ETFBKMT: variants seen among roughly 807,000 people sequenced by gnomAD.
ETFBKMT encodes electron transfer flavoprotein subunit beta lysine methyltransferase.
ETFBKMT carries 13 observed loss-of-function variants against 18.3 expected under a neutral mutation model. The ratio of observed to expected loss-of-function variants is 0.71; its 90% confidence interval spans 0.46 to 1.13. The LOEUF is 1.13. Among genes scored for constraint, ETFBKMT ranks in the 50% most tolerant of loss-of-function variants. The pLI, the probability that ETFBKMT is intolerant of heterozygous loss-of-function variation, is 0.00. For missense variants in ETFBKMT, 293 were observed against 306.2 expected, an observed-to-expected ratio of 0.96 and a Z score of 0.32; for synonymous variants, 84 against 107.9, an observed-to-expected ratio of 0.78 and a Z score of 1.37.
intron 1 of ETFBKMT, among the ~76,000 whole-genome samples, chr12:31,652,576 G>C (rs1951027209): frequency 6.6e-6 from 1 of 152,138 alleles, no homozygotes; most frequent in Non-Finnish European, 1.5e-5. Flanking sequence ...ACACTTGTAT[G>C]CTTTTCTGTT....
chr12:31,666,912 CT>C, intron 3 of ETFBKMT, among the ~76,000 whole-genome samples: 1 of 152,092 alleles, frequency 6.6e-6, no homozygotes, highest in Admixed American at 6.5e-5. Flanking sequence ...CCGTCTTGGC[CT>C]CCCAAAGTGC....
chr12:31,662,366 C>A, intron 2 of ETFBKMT, 99 bp downstream of exon 2: 2 of 1,102,700 alleles, frequency 1.8e-6, no homozygotes, highest in Non-Finnish European at 2.6e-6. Context: ...GGCGTGGTGG[C>A]TCATGCCTGT....
intron 1 of ETFBKMT, among the ~76,000 whole-genome samples, chr12:31,652,563 G>T (rs1443935565): frequency 6.6e-6 from 1 of 152,158 alleles, no homozygotes; most frequent in African/African-American, 2.4e-5. Flanking sequence ...GTAAAAATTA[G>T]TAACACTTGT....
intron 2 of ETFBKMT, among the ~76,000 whole-genome samples, chr12:31,665,517 C>T (rs1402186056): frequency 6.6e-6 from 1 of 151,710 alleles, no homozygotes; most frequent in African/African-American, 2.4e-5. Flanking sequence ...TTTTTGCATA[C>T]CTCTTATTTG....
intron 1 of ETFBKMT, among the ~76,000 whole-genome samples, chr12:31,661,478 CTT>C (rs879855966): frequency 6.9e-6 from 1 of 145,974 alleles, no homozygotes. Context: ...TATTTTATTT[CTT>C]TTTTTTTTTT....
chr12:31,668,096 A>C lies in ETFBKMT; in HGVS notation c.*106A>C. 6 of 906,238 alleles carry C rather than the reference A, an allele frequency of 6.6e-6. No individual in the cohort carries two copies. The South Asian group carries it at 1.2e-4, about 18-fold the overall frequency. The allele number at this position is 906,238 out of a possible 1,614,324, so 56.1% of individuals were successfully genotyped here. ...AGTTTAATGAATGTAATTCTTGTTA[A>C]ATGGAAAATCTTGTTTTTAAAATAT... On this transcript the variant is annotated 3_prime_UTR_variant, in exon 4 of 4. Coordinates refer to ENST00000357721, the MANE Select transcript of ETFBKMT (RefSeq NM_001135863.2).
upstream of ETFBKMT, chr12:31,659,481 C>T (rs1055765220): frequency 6.6e-6 from 1 of 152,310 alleles, no homozygotes; most frequent in African/African-American, 2.4e-5. Context: ...CCCATCAGCT[C>T]TCCTTCTCAT....
At position 31,669,045 on chromosome 12, in the gene ETFBKMT, T is replaced by C. The variant is rs1336156943; in HGVS notation, c.*1055T>C. On this transcript the variant is annotated 3_prime_UTR_variant, in exon 4 of 4. Coordinates refer to ENST00000357721, the MANE Select transcript of ETFBKMT (RefSeq NM_001135863.2). Reference sequence around the variant, plus strand: ...TGCCTTGTAATTTTTTGTTGATAGCTAGACATGATGTATTGCATAAATAAA... The same window carrying C: ...TGCCTTGTAATTTTTTGTTGATAGCCAGACATGATGTATTGCATAAATAAA... 1 of 152,370 alleles carries C rather than the reference T, an allele frequency of 6.6e-6. No homozygotes were observed. 9.4% of individuals were successfully genotyped at this position (152,370 alleles called of 1,614,324 possible).
chr12:31,655,110 A>G (rs1951050807), upstream of ETFBKMT, among the ~76,000 whole-genome samples: 1 of 150,926 alleles, frequency 6.6e-6, no homozygotes, highest in Non-Finnish European at 1.5e-5. Flanking sequence ...AAAAAAAAGT[A>G]GGGGAAGAAC....
intron 2 of ETFBKMT, among the ~76,000 whole-genome samples, chr12:31,665,744 T>C (rs1951185833): frequency 6.6e-6 from 1 of 150,476 alleles, no homozygotes; most frequent in African/African-American, 2.5e-5. Flanking sequence ...GTATCCCTTA[T>C]GGGAAATGAA....
intron 1 of ETFBKMT, among the ~76,000 whole-genome samples, chr12:31,650,626 C>CTTT (rs543201341): frequency 2.9e-4 from 41 of 140,694 alleles, no homozygotes; most frequent in African/African-American, 7.3e-4. Context: ...AATGACCTGA[C>CTTT]CTTTTTTTTT....
chr12:31,664,939 CTTTT>C (rs57572915), intron 2 of ETFBKMT, among the ~76,000 whole-genome samples: 3 of 121,486 alleles, frequency 2.5e-5, no homozygotes, highest in African/African-American at 3.1e-5. Flanking sequence ...TTCTTTCTTT[CTTTT>C]TTTTTTTTTT....
At chr12:31,665,789 G>A (rs1951186337) in intron 2 of ETFBKMT, among the ~76,000 whole-genome samples, 1 of 150,730 alleles carries the variant, frequency 6.6e-6, no homozygotes, top group Admixed American at 6.6e-5. Context: ...GGTTGGGTTA[G>A]TTATCTGCAG....
intron 1 of ETFBKMT, among the ~76,000 whole-genome samples, chr12:31,654,135 C>A (rs538313632): frequency 1.1e-4 from 17 of 152,210 alleles, no homozygotes; most frequent in African/African-American, 4.1e-4. Flanking sequence ...CTGCAACCTC[C>A]ACCTCCCGGG....
At chr12:31,667,361 TAAA>T (rs1334133989) in intron 3 of ETFBKMT, among the ~76,000 whole-genome samples, 1 of 151,984 alleles carries the variant, frequency 6.6e-6, no homozygotes, top group African/African-American at 2.4e-5. Flanking sequence ...CTGTCCACAG[TAAA>T]AAAACAAAAT....
rs554739169 is a variant in ETFBKMT at position 31,664,576 on chromosome 12, G to A, written c.315-1511G>A. Reference sequence around the variant, plus strand: ...TTTGTGGCCTGTGCTCTTCTAAGAGGTTTTTAGGAGGCACAGTATTTATAC... The same window carrying A: ...TTTGTGGCCTGTGCTCTTCTAAGAGATTTTTAGGAGGCACAGTATTTATAC... On this transcript the variant is annotated intron_variant, in intron 2 of 3. Coordinates refer to ENST00000357721, the MANE Select transcript of ETFBKMT (RefSeq NM_001135863.2). 1.1e-4 allele frequency among the ~76,000 whole-genome samples: 16 copies of A among 151,072 alleles called. No individual in the cohort carries two copies. The South Asian group carries it at 3.4e-3, about 32-fold the overall frequency.
At chr12:31,649,515 AT>A (rs574193796) in intron 1 of ETFBKMT, among the ~76,000 whole-genome samples, 4 of 147,310 alleles carry the variant, frequency 2.7e-5, no homozygotes, top group Non-Finnish European at 3.0e-5. Context: ...TATTGGTGCC[AT>A]TTTTTTTTCA....
chr12:31,648,370 T>C (rs1388886222), intron 1 of ETFBKMT, among the ~76,000 whole-genome samples: 1 of 150,388 alleles, frequency 6.6e-6, no homozygotes, highest in East Asian at 1.9e-4. Flanking sequence ...GTTTTTTTTT[T>C]TTTTTTTTTG....
chr12:31,660,913 A>T (rs530752138), intron 1 of ETFBKMT: 1 of 152,342 alleles, frequency 6.6e-6, no homozygotes, highest in Admixed American at 6.5e-5. Context: ...CTGAAGACAG[A>T]AGACTTCTGT....
Sources: allele counts gnomAD v4.1 joint callset (sites outside exome capture counted in the v4.1 genomes callset), GRCh38; gene constraint gnomAD v4.1.1; transcripts MANE v1.5; gene names NCBI Gene and HGNC (gene_info 2026-07-23, HGNC 2026-07-21).